The following GRIK3 variants were observed in gnomAD, a reference collection of about 807,000 sequenced individuals.
GRIK3 encodes the protein glutamate ionotropic receptor kainate type subunit 3.
Under a neutral mutation model 102.5 loss-of-function variants are expected in GRIK3, and 29 were observed. That is an observed-to-expected ratio of 0.28 (90% CI 0.21 to 0.39). The LOEUF is 0.39. Ranked by LOEUF, GRIK3 falls within the 10% of genes least tolerant of loss-of-function variation. The probability of loss-of-function intolerance (pLI) is 1.00; values close to 1 mark genes in which losing one functional copy is unlikely to be tolerated. For synonymous variants in GRIK3, 511 were observed against 504.9 expected (o/e 1.01, Z -0.16); for missense variants, 908 against 1,252.4 (o/e 0.73, Z 4.15).
intron 1 of GRIK3, among the ~76,000 whole-genome samples, chr1:36,911,765 G>A (rs1479714541): frequency 6.6e-6 from 1 of 152,096 alleles, no homozygotes; most frequent in African/African-American, 2.4e-5. Flanking sequence ...CAGGCAGGAG[G>A]AGCAGGAGTA....
chr1:36,954,926 CACACACACGA>C (rs942510708), intron 1 of GRIK3, among the ~76,000 whole-genome samples: 5 of 152,360 alleles, frequency 3.3e-5, no homozygotes, highest in African/African-American at 1.2e-4. Context: ...CATGCACGTT[CACACACACGA>C]ACACACACAC....
intron 1 of GRIK3, among the ~76,000 whole-genome samples, chr1:36,939,473 A>G (rs1468371821): frequency 6.6e-6 from 1 of 152,250 alleles, no homozygotes; most frequent in East Asian, 1.9e-4. Context: ...CTGCATGCAG[A>G]AGGCAGACGG....
intron 1 of GRIK3, among the ~76,000 whole-genome samples, chr1:37,026,260 G>C (rs1642763660): frequency 6.6e-6 from 1 of 152,196 alleles, no homozygotes; most frequent in South Asian, 2.1e-4. Context: ...CGGTGTCTGG[G>C]AGCTGACATT....
At chr1:36,886,703 T>C (rs1424875687) in intron 2 of GRIK3, among the ~76,000 whole-genome samples, 2 of 152,222 alleles carry the variant, frequency 1.3e-5, no homozygotes, top group African/African-American at 4.8e-5. Context: ...CACATGACTG[T>C]TATGAATTTT....
intron 1 of GRIK3, among the ~76,000 whole-genome samples, chr1:36,997,105 AG>A (rs1642428369): frequency 6.6e-6 from 1 of 152,198 alleles, no homozygotes; most frequent in African/African-American, 2.4e-5. Flanking sequence ...CCAAGGGTTC[AG>A]GGAGCCCATC....
At chr1:36,837,141 C>G (rs534064548) in intron 10 of GRIK3, among the ~76,000 whole-genome samples, 1 of 152,076 alleles carries the variant, frequency 6.6e-6, no homozygotes, top group African/African-American at 2.4e-5. Flanking sequence ...CATCTCTGCT[C>G]TCCCTGAGCA....
intron 14 of GRIK3, among the ~76,000 whole-genome samples, chr1:36,805,494 C>T (rs1642489161): frequency 6.6e-6 from 1 of 152,240 alleles, no homozygotes; most frequent in African/African-American, 2.4e-5. Context: ...CCCTGAGCTG[C>T]ATCAGCAGGG....
chr1:37,034,372 C>T lies in GRIK3; in HGVS notation c.-264G>A, dbSNP rs1642864903. ...GGGCTCCGCCCGGACTCCGCTCGGA[C>T]TCGGCTCCGGCTCCGACTCGCGTCG... On this transcript the variant is annotated 5_prime_UTR_variant, in exon 1 of 16. Coordinates refer to ENST00000373091, the MANE Select transcript of GRIK3 (RefSeq NM_000831.4). Among the ~76,000 whole-genome samples, 1 of 150,828 alleles carries T rather than the reference C, an allele frequency of 6.6e-6. No homozygotes were observed. The highest frequency in any genetic ancestry group is 1.5e-5 in the Non-Finnish European group (1 of 67,582).
chr1:36,954,042 G>A (rs1641875477), intron 1 of GRIK3, among the ~76,000 whole-genome samples: 1 of 152,224 alleles, frequency 6.6e-6, no homozygotes, highest in Admixed American at 6.5e-5. Flanking sequence ...GAAACCGTTA[G>A]TCCTAAGAGG....
At position 36,860,027 on chromosome 1, in the gene GRIK3, G is replaced by C. The variant is rs767704865; in HGVS notation, c.787-10C>G. 6.4e-7 allele frequency: 1 copy of C among 1,569,156 alleles called. No homozygotes were observed. Among genetic ancestry groups the C allele is most frequent in the Non-Finnish European group, 8.6e-7 (1 of 1,157,800 alleles). On this transcript the variant is annotated splice_polypyrimidine_tract_variant and intron_variant, in intron 5 of 15. Transcript: ENST00000373091. ...CTAAAGCGTAGAGATCCTGGATAGA[G>C]AGAGGTCTGTGTAAACCAAGGCATG...
At chr1:36,822,031 C>T (rs1487977216) in intron 11 of GRIK3, among the ~76,000 whole-genome samples, 1 of 152,256 alleles carries the variant, frequency 6.6e-6, no homozygotes, top group Non-Finnish European at 1.5e-5. Context: ...GGATCTACCT[C>T]ATGCTCTGTG....
At chr1:36,860,452 A>G (rs1460512786) in intron 5 of GRIK3, among the ~76,000 whole-genome samples, 3 of 152,184 alleles carry the variant, frequency 2.0e-5, no homozygotes, top group East Asian at 3.9e-4. Context: ...CTAGAAGAGG[A>G]TATTTAAAAA....
chr1:36,952,720 T>C (rs1374371431), intron 1 of GRIK3, among the ~76,000 whole-genome samples: 5 of 152,166 alleles, frequency 3.3e-5, no homozygotes, highest in Admixed American at 6.5e-5. Context: ...AATGAATGAA[T>C]GAATGAATAA....
intron 1 of GRIK3, among the ~76,000 whole-genome samples, chr1:37,033,129 C>T (rs1642846457): frequency 6.6e-6 from 1 of 152,242 alleles, no homozygotes; most frequent in Admixed American, 6.5e-5. Context: ...GCGCTCAGGC[C>T]TGCAGGGTGC....
chr1:36,913,580 A>G (rs536867), intron 1 of GRIK3, among the ~76,000 whole-genome samples: 5,178 of 152,138 alleles, frequency 0.034, 204 homozygotes, highest in East Asian at 0.1. Flanking sequence ...TTCCACTCTC[A>G]ATTTTGTTTT....
intron 1 of GRIK3, among the ~76,000 whole-genome samples, chr1:37,019,027 C>G (rs1642682338): frequency 6.6e-6 from 1 of 152,076 alleles, no homozygotes; most frequent in Non-Finnish European, 1.5e-5. Flanking sequence ...CAGGAAAATC[C>G]ACGGACGAGA....
At chr1:36,938,226 C>A (rs1397350027) in intron 1 of GRIK3, among the ~76,000 whole-genome samples, 1 of 152,146 alleles carries the variant, frequency 6.6e-6, no homozygotes, top group East Asian at 1.9e-4. Flanking sequence ...AATGATGGCA[C>A]CATACCCTGG....
chr1:36,945,559 G>A (rs914955659), intron 1 of GRIK3, among the ~76,000 whole-genome samples: 40 of 152,216 alleles, frequency 2.6e-4, no homozygotes, highest in African/African-American at 9.2e-4. Flanking sequence ...GAAAGACACC[G>A]GAGATGTACA....
At chr1:36,838,885 G>A (rs1640414998) in intron 10 of GRIK3, among the ~76,000 whole-genome samples, 1 of 152,148 alleles carries the variant, frequency 6.6e-6, no homozygotes. Context: ...TCAATTGTAG[G>A]GAATTGGGCT....
Sources: gnomAD v4.1 joint callset for allele counts (sites outside exome capture counted in the v4.1 genomes callset) on GRCh38, gnomAD v4.1.1 for gene constraint, MANE v1.5 for transcripts, NCBI Gene and HGNC (gene_info 2026-07-23, HGNC 2026-07-21) for gene names.